Variants in SBNO1 observed in about 807,000 individuals in gnomAD.
The protein encoded by SBNO1 is strawberry notch homolog 1, also known as protein strawberry notch homolog 1.
In SBNO1, 23 loss-of-function variants were observed where a neutral mutation model predicts 173.6. The ratio of observed to expected loss-of-function variants is 0.13; its 90% CI spans 0.10 to 0.19. The LOEUF (loss-of-function observed/expected upper bound fraction) is 0.19, where lower values mean the gene tolerates loss of function less well. Ranked by LOEUF, SBNO1 falls within the 10% of genes least tolerant of loss-of-function variation. SBNO1 has a pLI of 1.00. For synonymous variants in SBNO1, 632 were observed against 571.5 expected (o/e 1.11, Z -1.51); for missense variants, 1,238 against 1,671.2 (o/e 0.74, Z 4.52).
At chr12:123,343,234 CA>C (rs915571563) in intron 4 of SBNO1, among the ~76,000 whole-genome samples, 4 of 151,384 alleles carry the variant, frequency 2.6e-5, no homozygotes, top group African/African-American at 9.7e-5. Flanking sequence ...CTTCGTCTCA[CA>C]AAAAAATAAA....
At chr12:123,303,402 T>A (rs1401422129) in intron 29 of SBNO1, among the ~76,000 whole-genome samples, 3 of 152,122 alleles carry the variant, frequency 2.0e-5, no homozygotes, top group Non-Finnish European at 4.4e-5. Flanking sequence ...TCCCAGCACT[T>A]TGGGAGGCTG....
Position 123,358,633 on chromosome 12 carries a change from C to G in SBNO1, c.-1+6068G>C, listed in dbSNP as rs577113441. Among the ~76,000 whole-genome samples, 6 of 151,508 alleles carry G rather than the reference C, an allele frequency of 4.0e-5. No individual in the cohort carries two copies. In the South Asian group the frequency reaches 1.2e-3, roughly 32 times the overall value. On this transcript the variant is annotated intron_variant, in intron 1 of 31. Transcript: ENST00000602398. Reference sequence around the variant, plus strand: ...TGGCAGGCGCCTGTAGTCCCAGCTACTCAGGAGGCTGAGGCAGGAGAATGG... The same window carrying G: ...TGGCAGGCGCCTGTAGTCCCAGCTAGTCAGGAGGCTGAGGCAGGAGAATGG...
Position 123,331,135 on chromosome 12 carries a change from T to C in SBNO1, c.1043+107A>G. 2.6e-6 allele frequency: 3 copies of C among 1,148,812 alleles called. No individual in the cohort carries two copies. In the South Asian group the frequency reaches 4.4e-5, roughly 17 times the overall value. 71.2% of individuals were successfully genotyped at this position (1,148,812 alleles called of 1,614,324 possible). A position where few individuals can be genotyped will look rare whatever the true frequency, so the allele number is the denominator to read the frequency against. ...CCACCATGACGACCGGCTGATTTTTTGTACTTTTAGTAGAGACGGAGTTTC... is the reference window on the plus strand; with the variant it reads ...CCACCATGACGACCGGCTGATTTTTCGTACTTTTAGTAGAGACGGAGTTTC... On this transcript the variant is annotated intron_variant, in intron 8 of 31. Coordinates refer to ENST00000602398, the MANE Select transcript of SBNO1 (RefSeq NM_001167856.3).
chr12:123,341,390 A>G (rs1331086749), intron 4 of SBNO1, among the ~76,000 whole-genome samples: 2 of 152,082 alleles, frequency 1.3e-5, no homozygotes, highest in Non-Finnish European at 2.9e-5. Context: ...GGAGGTTGAA[A>G]TGAGCCGAGA....
At position 123,360,012 on chromosome 12, in the gene SBNO1, G is replaced by A. The variant is rs1279176083; in HGVS notation, c.-1+4689C>T. 3.9e-5 allele frequency among the ~76,000 whole-genome samples: 6 copies of A among 152,182 alleles called. No individual in the cohort carries two copies. In the South Asian group the frequency reaches 1.0e-3, roughly 26 times the overall value. On this transcript the variant is annotated intron_variant, in intron 1 of 31. Transcript: ENST00000602398. ...TCCCAGCAGTTTGGGAGGCCAAGCC[G>A]GTTGGTCACCTGAGGTCAGGAGTTC...
At chr12:123,307,020 T>TAAAAAAAAAAAAAAAAAAAAAA (rs34105162) in intron 28 of SBNO1, among the ~76,000 whole-genome samples, 3 of 64,430 alleles carry the variant, frequency 4.7e-5, no homozygotes, top group Non-Finnish European at 8.2e-5. Context: ...TCAACTGCAT[T>TAAAAAAAAAAAAAAAAAAAAAA]AAAAAAAAAA....
At chr12:123,298,258 T>A in intron 30 of SBNO1, 87 bp from the exon 31 acceptor site, 1 of 1,128,254 alleles carries the variant, frequency 8.9e-7, no homozygotes, top group Non-Finnish European at 1.2e-6. Context: ...CAACTCAAAT[T>A]TCTTTTCTTT....
At chr12:123,318,321 T>TC (rs1263445002) in intron 20 of SBNO1, among the ~76,000 whole-genome samples, 8 of 152,080 alleles carry the variant, frequency 5.3e-5, no homozygotes, top group African/African-American at 1.9e-4. Flanking sequence ...GTGCCTATAT[T>TC]CCCAGCTACT....
At chr12:123,305,899 G>A (rs1256702934) in intron 28 of SBNO1, among the ~76,000 whole-genome samples, 1 of 152,140 alleles carries the variant, frequency 6.6e-6, no homozygotes, top group East Asian at 1.9e-4. Context: ...AGACTGAACA[G>A]CTTCTAAACA....
intron 1 of SBNO1, among the ~76,000 whole-genome samples, chr12:123,362,273 A>G (rs1478260542): frequency 1.3e-5 from 2 of 151,522 alleles, no homozygotes; most frequent in Non-Finnish European, 2.9e-5. Flanking sequence ...CGTCTCTACT[A>G]AAAGTACAAA....
At chr12:123,309,893 A>G in intron 25 of SBNO1, 37 bp from the exon 26 acceptor site, 1 of 1,506,362 alleles carries the variant, frequency 6.6e-7, no homozygotes, top group South Asian at 1.2e-5. Flanking sequence ...CATGCAAATG[A>G]TAATTAAAAA....
At chr12:123,350,579 CAA>C in intron 1 of SBNO1, 138 bp from the exon 2 acceptor site, 19 of 709,726 alleles carry the variant, frequency 2.7e-5, no homozygotes, top group Non-Finnish European at 4.6e-5. Context: ...ATGTCTCAGA[CAA>C]AGAGGATAAA....
chr12:123,344,378 G>A (rs1414974476), intron 4 of SBNO1, among the ~76,000 whole-genome samples: 5 of 152,148 alleles, frequency 3.3e-5, no homozygotes, highest in Admixed American at 2.6e-4. Flanking sequence ...ACCAAAAAAC[G>A]AAAACCAAAA....
Position 123,323,667 on chromosome 12 carries a change from T to G in SBNO1, c.2125+13A>C. The G allele has an allele frequency of 6.3e-7, 1 of 1,583,972 alleles. No homozygotes were observed. The highest frequency in any genetic ancestry group is 1.8e-5 in the Admixed American group (1 of 54,510). ...CCGCACCTGGCCTATTTTTTCTTTTTTAAAGTGCTCACCTTTCCGCTTCTT... is the reference window on the plus strand; with the variant it reads ...CCGCACCTGGCCTATTTTTTCTTTTGTAAAGTGCTCACCTTTCCGCTTCTT... On this transcript the variant is annotated intron_variant, in intron 16 of 31. Coordinates refer to ENST00000602398, the MANE Select transcript of SBNO1 (RefSeq NM_001167856.3).
In SBNO1 at chr12:123,321,702, G is replaced by C; in HGVS notation, c.2156C>G (p.Ala719Gly). The C allele has an allele frequency of 1.9e-6, 3 of 1,613,998 alleles. No homozygotes were observed. Among genetic ancestry groups the C allele is most frequent in the Non-Finnish European group, 2.5e-6 (3 of 1,179,988 alleles). ...ACCAGTAAGGCCACCTACTTTTCGT[G>C]CTTTTTTGGCTTCTCGAGTTATTTC... The part of the protein sequence containing the change: ...GEEITREAKK[A>G]RKVGGLTGSS... The change falls in exon 17 of 32, where the codon GCA becomes GGA. Residue 719 changes from alanine (A) to glycine (G), a missense_variant. By Grantham distance (60) the Ala-to-Gly change is moderately conservative. Coordinates refer to ENST00000602398, the MANE Select transcript of SBNO1 (RefSeq NM_001167856.3).
At chr12:123,308,939 AC>A (rs2048988889) in intron 28 of SBNO1, among the ~76,000 whole-genome samples, 1 of 152,212 alleles carries the variant, frequency 6.6e-6, no homozygotes, top group African/African-American at 2.4e-5. Context: ...CCCCGTCTCT[AC>A]TAAAAATACA....
At chr12:123,311,665 T>A (rs1016743831) in intron 24 of SBNO1, among the ~76,000 whole-genome samples, 1 of 142,344 alleles carries the variant, frequency 7.0e-6, no homozygotes, top group African/African-American at 2.6e-5. Flanking sequence ...GCAAGATTAC[T>A]GTCATTACTT....
intron 23 of SBNO1, among the ~76,000 whole-genome samples, chr12:123,314,469 A>G (rs1869025944): frequency 6.6e-6 from 1 of 151,824 alleles, no homozygotes; most frequent in African/African-American, 2.4e-5. Context: ...AGCTAGGACT[A>G]CAGGCGCACA....
intron 1 of SBNO1, among the ~76,000 whole-genome samples, chr12:123,360,708 T>G (rs1286562403): frequency 6.6e-6 from 1 of 152,026 alleles, no homozygotes; most frequent in Non-Finnish European, 1.5e-5. Flanking sequence ...CCCCTCAAAG[T>G]GCTGGGATTA....
Sources: allele counts gnomAD v4.1 joint callset (sites outside exome capture counted in the v4.1 genomes callset), GRCh38; gene constraint gnomAD v4.1.1; transcripts MANE v1.5; gene names NCBI Gene and HGNC (gene_info 2026-07-23, HGNC 2026-07-21).